Variants in COL23A1 observed in about 807,000 individuals in gnomAD.
The protein encoded by COL23A1 is collagen type XXIII alpha 1 chain.
Under a neutral mutation model 99.3 loss-of-function variants are expected in COL23A1, and 97 were observed. That is an observed-to-expected ratio of 0.98 (90% CI 0.83 to 1.16). The LOEUF (loss-of-function observed/expected upper bound fraction) is 1.16, where lower values mean the gene tolerates loss of function less well. COL23A1 is among the 50% of genes most tolerant of loss of function. The pLI, the probability that COL23A1 is intolerant of heterozygous loss-of-function variation, is 0.00. For synonymous variants in COL23A1, 320 were observed against 308.2 expected, an observed-to-expected ratio of 1.04 and a Z score of -0.40; for missense variants, 762 against 757.4, an observed-to-expected ratio of 1.01 and a Z score of -0.07.
At chr5:178,460,645 G>A (rs1427713872) in intron 2 of COL23A1, among the ~76,000 whole-genome samples, 1 of 152,184 alleles carries the variant, frequency 6.6e-6, no homozygotes, top group Non-Finnish European at 1.5e-5. Flanking sequence ...CATGCAGTCT[G>A]ACAAGTATCC....
chr5:178,298,141 A>G (rs1300080022), intron 3 of COL23A1, among the ~76,000 whole-genome samples: 1 of 152,216 alleles, frequency 6.6e-6, no homozygotes, highest in Non-Finnish European at 1.5e-5. Context: ...GGAGCAATTC[A>G]GTAAAAGCCA....
At position 178,519,255 on chromosome 5, in the gene COL23A1, C is replaced by A. The variant is rs1581553891; in HGVS notation, c.361+41427G>T. On this transcript the variant is annotated intron_variant, in intron 2 of 28. Coordinates refer to ENST00000390654, the MANE Select transcript of COL23A1 (RefSeq NM_173465.4). ...GGAAACTGTGGGCTCAGGGGCAGAA[C>A]GTTGTCAGCACAGAGCCCAGGCCTC... 2.6e-5 allele frequency among the ~76,000 whole-genome samples: 4 copies of A among 152,364 alleles called. No individual in the cohort carries two copies. In the South Asian group the frequency reaches 6.2e-4, roughly 24 times the overall value.
Position 178,238,510 on chromosome 5 carries a change from G to A in COL23A1, c.*188C>T, listed in dbSNP as rs1581422817. The A allele has an allele frequency of 7.0e-6, 5 of 715,412 alleles. No individual in the cohort carries two copies. Among genetic ancestry groups the A allele is most frequent in the South Asian group, 5.3e-5 (3 of 56,262 alleles). The allele number at this position is 715,412 out of a possible 1,614,324, so 44.3% of individuals were successfully genotyped here. ...TGCCCCTCAGGTACACATCTCCCTG[G>A]TCTGGCCTGTCCACTTTCCGGCAGC... On this transcript the variant is annotated 3_prime_UTR_variant, in exon 29 of 29. Coordinates refer to ENST00000390654, the MANE Select transcript of COL23A1 (RefSeq NM_173465.4).
rs2127824943 is a variant in COL23A1 at position 178,434,451 on chromosome 5, G to A, written c.361+126231C>T. On this transcript the variant is annotated intron_variant, in intron 2 of 28. Transcript: ENST00000390654. The surrounding 1 kb of genome is among the most constrained non-coding windows in gnomAD (Gnocchi z 4.3). The stretch of plus-strand genomic sequence containing the variant: ...TTGGACATTGGGCGGCTGTGTGACA[G>A]GCATGGACTCTCACATGTCTGAACC... 6.6e-6 allele frequency among the ~76,000 whole-genome samples: 1 copy of A among 152,354 alleles called. No individual in the cohort carries two copies. Among genetic ancestry groups the A allele is most frequent in the East Asian group, 1.9e-4 (1 of 5,186 alleles).
intron 2 of COL23A1, among the ~76,000 whole-genome samples, chr5:178,394,622 T>C (rs921524526): frequency 6.6e-5 from 10 of 152,200 alleles, no homozygotes; most frequent in Admixed American, 2.0e-4. Flanking sequence ...TTAGCTAGCA[T>C]TTGGCTGCAA....
At chr5:178,383,261 C>T (rs139711172) in intron 2 of COL23A1, among the ~76,000 whole-genome samples, 58 of 152,312 alleles carry the variant, frequency 3.8e-4, no homozygotes, top group African/African-American at 1.4e-3. Context: ...TGTCCTAGGC[C>T]ACATGCTCAG....
At chr5:178,323,502 C>A (rs963588241) in intron 2 of COL23A1, among the ~76,000 whole-genome samples, 2 of 152,094 alleles carry the variant, frequency 1.3e-5, no homozygotes, top group Non-Finnish European at 2.9e-5. Context: ...AGGTCCTGTG[C>A]TGCTTTGAGT....
At chr5:178,342,260 A>C (rs56398797) in intron 2 of COL23A1, among the ~76,000 whole-genome samples, 17,043 of 152,270 alleles carry the variant, frequency 0.11, 1,014 homozygotes, top group Middle Eastern at 0.19. Context: ...GGGGACTGCC[A>C]TCTGGCCGGG....
chr5:178,245,853 A>G, intron 25 of COL23A1, 89 bp downstream of exon 25: 1 of 1,480,530 alleles, frequency 6.8e-7, no homozygotes, highest in Non-Finnish European at 9.4e-7. Context: ...AAGGGGTCAC[A>G]CTTGAGTAGC....
At chr5:178,563,526 C>CT (rs779487808) in intron 1 of COL23A1, among the ~76,000 whole-genome samples, 48,302 of 83,288 alleles carry the variant, frequency 0.58, 15,966 homozygotes, top group South Asian at 0.71. Context: ...TCAGAACTCA[C>CT]TTTTTTTTTT....
intron 2 of COL23A1, among the ~76,000 whole-genome samples, chr5:178,320,916 C>T (rs909079879): frequency 1.3e-5 from 2 of 152,214 alleles, no homozygotes; most frequent in Admixed American, 6.5e-5. Context: ...CCTGCGCACT[C>T]CAGAGGTGGG....
chr5:178,349,356 G>C (rs939495960), intron 2 of COL23A1, among the ~76,000 whole-genome samples: 1 of 152,168 alleles, frequency 6.6e-6, no homozygotes, highest in African/African-American at 2.4e-5. Context: ...GGCCCACTGC[G>C]GCGGGTGCCC....
chr5:178,584,105 T>G (rs558294158), intron 1 of COL23A1, among the ~76,000 whole-genome samples: 3 of 152,208 alleles, frequency 2.0e-5, no homozygotes, highest in Admixed American at 2.0e-4. Context: ...AACCTCCGCC[T>G]GCCGGATTCA....
intron 1 of COL23A1, among the ~76,000 whole-genome samples, chr5:178,587,733 T>C (rs1430544336): frequency 6.6e-6 from 1 of 152,108 alleles, no homozygotes; most frequent in Non-Finnish European, 1.5e-5. Context: ...CTAATTAGAG[T>C]TAATTACTCA....
At chr5:178,264,548 C>A (rs1485048681) in intron 8 of COL23A1, among the ~76,000 whole-genome samples, 1 of 152,144 alleles carries the variant, frequency 6.6e-6, no homozygotes, top group Non-Finnish European at 1.5e-5. Flanking sequence ...CAGGGCAGAG[C>A]CACAGGAATG....
At chr5:178,360,028 C>T (rs1430951160) in intron 2 of COL23A1, among the ~76,000 whole-genome samples, 1 of 152,136 alleles carries the variant, frequency 6.6e-6, no homozygotes, top group Non-Finnish European at 1.5e-5. Context: ...CAGCCGCTCG[C>T]ATCATAGGTC....
rs898426916 is a variant in COL23A1 at position 178,310,103 on chromosome 5, G to C, written c.362-3184C>G. Among the ~76,000 whole-genome samples, 1 of 152,260 alleles carries C rather than the reference G, an allele frequency of 6.6e-6. No individual in the cohort carries two copies. The highest frequency in any genetic ancestry group is 2.1e-4 in the South Asian group (1 of 4,836). On this transcript the variant is annotated intron_variant, in intron 2 of 28. Coordinates refer to ENST00000390654, the MANE Select transcript of COL23A1 (RefSeq NM_173465.4). This position sits in a 1 kb window ranked among gnomAD's most constrained non-coding sequence, Gnocchi z 4.3. ...ATGTGACGTGCCAGTGAGATAGGGAGTGCCTTCCACCCTTCCTTTCCCGGA... is the reference window on the plus strand; with the variant it reads ...ATGTGACGTGCCAGTGAGATAGGGACTGCCTTCCACCCTTCCTTTCCCGGA...
chr5:178,452,095 A>G lies in COL23A1; in HGVS notation c.361+108587T>C, dbSNP rs556257318. Among the ~76,000 whole-genome samples the G allele has an allele frequency of 2.0e-5, 3 of 152,338 alleles. No individual in the cohort carries two copies. The South Asian group carries it at 6.2e-4, about 32-fold the overall frequency. Reference sequence around the variant, plus strand: ...TAAGTAACAAGGGAGGATAAGTCCTATCAGATACCACGATGTATTATAAAG... The same window carrying G: ...TAAGTAACAAGGGAGGATAAGTCCTGTCAGATACCACGATGTATTATAAAG... On this transcript the variant is annotated intron_variant, in intron 2 of 28. Coordinates refer to ENST00000390654, the MANE Select transcript of COL23A1 (RefSeq NM_173465.4).
At chr5:178,358,470 T>G (rs1761946813) in intron 2 of COL23A1, among the ~76,000 whole-genome samples, 1 of 150,872 alleles carries the variant, frequency 6.6e-6, no homozygotes, top group South Asian at 2.1e-4. Flanking sequence ...TATGTGTATG[T>G]GCGTATGCGT....
Sources: allele counts gnomAD v4.1 joint callset (sites outside exome capture counted in the v4.1 genomes callset), GRCh38; gene constraint gnomAD v4.1.1; non-coding constraint Gnocchi (gnomAD v3.1); transcripts MANE v1.5; gene names NCBI Gene and HGNC (gene_info 2026-07-23, HGNC 2026-07-21).